Variants in PACRG observed in about 807,000 individuals in gnomAD.
PACRG encodes the protein parkin coregulated gene protein.
Under a neutral mutation model 29.7 loss-of-function variants are expected in PACRG, and 29 were observed. The ratio of observed to expected loss-of-function variants is 0.98; its 90% CI spans 0.73 to 1.33. The LOEUF (loss-of-function observed/expected upper bound fraction) is 1.33. Among genes scored for constraint, PACRG ranks in the 40% most tolerant of loss-of-function variants. The probability of loss-of-function intolerance (pLI) is 0.00; values close to 1 mark genes in which losing one functional copy is unlikely to be tolerated. For synonymous variants in PACRG, 116 were observed against 118.7 expected, an observed-to-expected ratio of 0.98 and a Z score of 0.15; for missense variants, 279 against 316.2, an observed-to-expected ratio of 0.88 and a Z score of 0.89.
intron 2 of PACRG, among the ~76,000 whole-genome samples, chr6:162,843,892 C>T (rs1790057356): frequency 1.5e-5 from 1 of 67,256 alleles, no homozygotes; most frequent in East Asian, 3.6e-4. Context: ...TGGGGGGTGC[C>T]TCCCAGTTAG....
At chr6:163,032,029 T>C (rs1807715149) in intron 2 of PACRG, among the ~76,000 whole-genome samples, 1 of 152,250 alleles carries the variant, frequency 6.6e-6, no homozygotes. Context: ...CAGATTCTTA[T>C]TGCACTTATG....
chr6:163,111,874 T>A (rs1483775890), intron 4 of PACRG, among the ~76,000 whole-genome samples: 1 of 152,246 alleles, frequency 6.6e-6, no homozygotes, highest in African/African-American at 2.4e-5. Context: ...ACATATTGTG[T>A]AAATCTAATT....
chr6:163,265,670 A>G (rs1010539854), intron 4 of PACRG, among the ~76,000 whole-genome samples: 1 of 152,198 alleles, frequency 6.6e-6, no homozygotes, highest in Non-Finnish European at 1.5e-5. Flanking sequence ...TCCATTCTAG[A>G]AATAAGCTAA....
chr6:163,069,050 A>G (rs887515199), intron 3 of PACRG, among the ~76,000 whole-genome samples: 1 of 152,136 alleles, frequency 6.6e-6, no homozygotes, highest in Non-Finnish European at 1.5e-5. Context: ...AGACTCACCA[A>G]TTGACCAACA....
chr6:163,029,393 G>A (rs897225734), intron 2 of PACRG, among the ~76,000 whole-genome samples: 1 of 152,196 alleles, frequency 6.6e-6, no homozygotes, highest in Non-Finnish European at 1.5e-5. Flanking sequence ...CTTCAAGCCA[G>A]CCTCTCTGAG....
At chr6:162,838,466 A>G (rs1406940017) in intron 2 of PACRG, among the ~76,000 whole-genome samples, 1 of 152,166 alleles carries the variant, frequency 6.6e-6, no homozygotes, top group African/African-American at 2.4e-5. Context: ...AGCCAATCAC[A>G]TAGCCATGAA....
chr6:163,309,850 CA>C (rs1167302506), intron 4 of PACRG: 1 of 152,158 alleles, frequency 6.6e-6, no homozygotes, highest in Non-Finnish European at 1.5e-5. Flanking sequence ...AGGACGTTCT[CA>C]AAATTAGCAG....
intron 4 of PACRG, among the ~76,000 whole-genome samples, chr6:163,095,149 C>G (rs1814456675): frequency 6.6e-6 from 1 of 152,146 alleles, no homozygotes; most frequent in South Asian, 2.1e-4. Flanking sequence ...CACGCGTGGT[C>G]AGCCCATAAA....
chr6:162,826,306 A>G (rs1039746230), intron 2 of PACRG, among the ~76,000 whole-genome samples: 3 of 152,186 alleles, frequency 2.0e-5, no homozygotes, highest in Non-Finnish European at 4.4e-5. Context: ...AAAAATCACA[A>G]GGAAAAGACA....
At chr6:162,889,677 T>C (rs1199840888) in intron 2 of PACRG, among the ~76,000 whole-genome samples, 1 of 152,258 alleles carries the variant, frequency 6.6e-6, no homozygotes, top group Non-Finnish European at 1.5e-5. Context: ...CTTTAGCATT[T>C]TGGAGAAATC....
intron 2 of PACRG, among the ~76,000 whole-genome samples, chr6:163,000,899 T>G (rs902446889): frequency 2.0e-5 from 3 of 152,144 alleles, no homozygotes; most frequent in Non-Finnish European, 4.4e-5. Context: ...CAGGCCTGAA[T>G]AGTAGGGGCT....
intron 2 of PACRG, among the ~76,000 whole-genome samples, chr6:162,934,261 A>C (rs1362538579): frequency 8.7e-6 from 1 of 115,552 alleles, no homozygotes; most frequent in Non-Finnish European, 1.7e-5. Context: ...AGACTGTCTC[A>C]AAAAAAAAAA....
intron 4 of PACRG, among the ~76,000 whole-genome samples, chr6:163,276,172 G>A (rs957003286): frequency 1.3e-5 from 2 of 151,822 alleles, no homozygotes; most frequent in Admixed American, 6.6e-5. Flanking sequence ...GACTACAGGC[G>A]AGCGCTACCA....
At chr6:163,077,128 A>G (rs887221123) in intron 3 of PACRG, among the ~76,000 whole-genome samples, 1 of 152,236 alleles carries the variant, frequency 6.6e-6, no homozygotes, top group Non-Finnish European at 1.5e-5. Context: ...ACTCTCTCAT[A>G]TGAAACAACA....
intron 1 of PACRG, among the ~76,000 whole-genome samples, chr6:162,761,953 GA>G (rs1489756292): frequency 3.3e-5 from 2 of 59,780 alleles, no homozygotes; most frequent in African/African-American, 7.3e-5. Flanking sequence ...AAAAAAAAAA[GA>G]AACCCCCCCC....
chr6:162,763,728 A>G (rs1009507519), intron 1 of PACRG, among the ~76,000 whole-genome samples: 11 of 152,192 alleles, frequency 7.2e-5, no homozygotes, highest in Non-Finnish European at 1.5e-4. Flanking sequence ...GAACTTTGCT[A>G]CAAGGACTTA....
intron 4 of PACRG, among the ~76,000 whole-genome samples, chr6:163,090,578 T>C (rs920293964): frequency 5.9e-5 from 9 of 152,212 alleles, no homozygotes; most frequent in Non-Finnish European, 8.8e-5. Context: ...TGTAATGTTT[T>C]AGTAACAATA....
At chr6:162,741,466 T>C (rs1465068070) in intron 1 of PACRG, among the ~76,000 whole-genome samples, 2 of 152,204 alleles carry the variant, frequency 1.3e-5, no homozygotes, top group East Asian at 3.9e-4. Context: ...CTTCTTGCTG[T>C]GTCCTCACAT....
intron 4 of PACRG, among the ~76,000 whole-genome samples, chr6:163,154,396 C>T (rs1281981056): frequency 6.6e-6 from 1 of 152,202 alleles, no homozygotes; most frequent in Non-Finnish European, 1.5e-5. Flanking sequence ...AGGAGATGGG[C>T]TGATAGTTCA....
Sources: allele counts gnomAD v4.1 joint callset (sites outside exome capture counted in the v4.1 genomes callset), GRCh38; gene constraint gnomAD v4.1.1; transcripts MANE v1.5; gene names NCBI Gene and HGNC (gene_info 2026-07-23, HGNC 2026-07-21).